The following SYNE1 variants were observed in gnomAD, a reference collection of about 807,000 sequenced individuals.
SYNE1 encodes the protein nesprin-1.
In SYNE1, 616 loss-of-function variants were observed where a neutral mutation model predicts 1,111.0. The observed-to-expected ratio is 0.55, with a 90% CI of 0.52 to 0.59. SYNE1 has a LOEUF of 0.59. Among genes scored for constraint, SYNE1 ranks in the 20% least tolerant of loss-of-function variants. SYNE1 has a pLI of 0.00. For synonymous variants in SYNE1, 3,855 were observed against 3,825.8 expected (o/e 1.01, Z -0.28); for missense variants, 10,006 against 10,417.0 (o/e 0.96, Z 1.72).
Position 152,238,470 on chromosome 6 carries a change from A to G in SYNE1, c.20067+1063T>C, listed in dbSNP as rs6928675. The stretch of plus-strand genomic sequence containing the variant: ...GTGTAACTATTATTACAGAGATTTC[A>G]AACGTTAAAGGTAGATGTCTCTCCA... On this transcript the variant is annotated intron_variant, in intron 108 of 145. Coordinates refer to ENST00000367255, the MANE Select transcript of SYNE1 (RefSeq NM_182961.4). Among the ~76,000 whole-genome samples the G allele has an allele frequency of 0.77, 116,742 of 152,186 alleles. 45,679 individuals are homozygous for G. The highest frequency in any genetic ancestry group is 0.9 in the African/African-American group (37,420 of 41,526).
intron 119 of SYNE1, among the ~76,000 whole-genome samples, chr6:152,220,507 T>G (rs1279181495): frequency 6.6e-6 from 1 of 152,220 alleles, no homozygotes; most frequent in Non-Finnish European, 1.5e-5. Context: ...ACAGAAGATT[T>G]TTTAAAGATA....
chr6:152,211,482 C>T lies in SYNE1; in HGVS notation c.22589+12G>A. ...GGAACCTTTCTTTGTAATAATTTAT[C>T]AAAGATCCTACCTGTCATCAACTTG... On this transcript the variant is annotated intron_variant, in intron 124 of 145. Transcript: ENST00000367255. The T allele has an allele frequency of 6.2e-7, 1 of 1,608,772 alleles. No homozygotes were observed. The highest frequency in any genetic ancestry group is 1.1e-5 in the South Asian group (1 of 90,982).
At chr6:152,493,010 T>C (rs929788041) in intron 11 of SYNE1, among the ~76,000 whole-genome samples, 10 of 152,122 alleles carry the variant, frequency 6.6e-5, no homozygotes, top group Admixed American at 2.0e-4. Flanking sequence ...CTCTGACTAT[T>C]CCTGGGCTAC....
chr6:152,499,893 C>T (rs573097191), intron 10 of SYNE1, among the ~76,000 whole-genome samples: 11 of 152,144 alleles, frequency 7.2e-5, no homozygotes, highest in African/African-American at 2.6e-4. Context: ...TTAAAGTAAC[C>T]TCTGAAAATA....
At chr6:152,593,454 T>G (rs976667489) in intron 3 of SYNE1, among the ~76,000 whole-genome samples, 1 of 151,892 alleles carries the variant, frequency 6.6e-6, no homozygotes, top group African/African-American at 2.4e-5. Context: ...TGGTGACGGG[T>G]GCCTGTAGTC....
chr6:152,368,140 C>A (rs1826065), intron 61 of SYNE1: 2 of 152,658 alleles, frequency 1.3e-5, no homozygotes, highest in African/African-American at 2.4e-5. Context: ...AATGAGCAGA[C>A]CCTCTGTAAA....
intron 8 of SYNE1, among the ~76,000 whole-genome samples, chr6:152,508,174 A>G (rs17842542): frequency 0.012 from 1,897 of 152,346 alleles, 41 homozygotes; most frequent in African/African-American, 0.043. Context: ...AGTTTTTAGA[A>G]AAAATTATCA....
chr6:152,264,290 A>T (rs1026928025), intron 100 of SYNE1, among the ~76,000 whole-genome samples: 3 of 150,628 alleles, frequency 2.0e-5, no homozygotes, highest in African/African-American at 7.3e-5. Flanking sequence ...ATTCTTCAGG[A>T]CCTTTGAAGT....
intron 126 of SYNE1, among the ~76,000 whole-genome samples, chr6:152,204,105 T>C (rs1005856200): frequency 6.6e-6 from 1 of 152,146 alleles, no homozygotes; most frequent in Admixed American, 6.5e-5. Context: ...GACCCACACC[T>C]ATAATCCTAG....
chr6:152,544,212 C>T (rs75465479), intron 3 of SYNE1, among the ~76,000 whole-genome samples: 4,580 of 152,164 alleles, frequency 0.03, 251 homozygotes, highest in African/African-American at 0.1. Flanking sequence ...AGCCACACTA[C>T]AATTTGGGTG....
chr6:152,574,033 A>T (rs1254849180), intron 3 of SYNE1, among the ~76,000 whole-genome samples: 1 of 152,008 alleles, frequency 6.6e-6, no homozygotes. Flanking sequence ...TGAGTTACAG[A>T]TTCTTAAAAA....
chr6:152,627,700 T>C (rs966493840), intron 3 of SYNE1, among the ~76,000 whole-genome samples: 10 of 152,060 alleles, frequency 6.6e-5, no homozygotes, highest in Non-Finnish European at 1.2e-4. Flanking sequence ...TTGTTTGTTG[T>C]TGGAGAAGAG....
At position 152,323,729 on chromosome 6, in the gene SYNE1, C is replaced by T. The variant is rs775702436; in HGVS notation, c.15666G>A (p.Lys5222=). The change falls in exon 82 of 146, where the codon AAG becomes AAA. Residue 5222 remains lysine (K), a synonymous_variant. Coordinates refer to ENST00000367255, the MANE Select transcript of SYNE1 (RefSeq NM_182961.4). ...GCAGCTGATCAATCATTTCAGTGGC[C>T]TTTTTAACCTGATGACAAATGTACA... The part of the protein sequence containing the change: ...EWTGFNNKVK[K]ATEMIDQLQD... The T allele has an allele frequency of 6.8e-6, 11 of 1,614,048 alleles. No individual in the cohort carries two copies. In the East Asian group the frequency reaches 1.1e-4, roughly 16 times the overall value.
Position 152,140,121 on chromosome 6 carries a change from C to G in SYNE1, c.25287G>C (p.Leu8429Phe), listed in dbSNP as rs1669609305. 1 of 1,614,206 alleles carries G rather than the reference C, an allele frequency of 6.2e-7. No individual in the cohort carries two copies. Among genetic ancestry groups the G allele is most frequent in the East Asian group, 2.2e-5 (1 of 44,876 alleles). The stretch of plus-strand genomic sequence containing the variant: ...TCTGCTTCATCCTCAACTCCTTGCT[C>G]AATGCCTGGGCCTGGAGAAGCTCCC... ...DRWELLQAQA[L>F]SKELRMKQNL... The change falls in exon 140 of 146, where the codon TTG (leucine) becomes TTC (phenylalanine). Residue 8429 changes from leucine (L) to phenylalanine (F), a missense_variant. Coordinates refer to ENST00000367255, the MANE Select transcript of SYNE1 (RefSeq NM_182961.4).
chr6:152,409,262 C>T, intron 43 of SYNE1, 36 bp from the exon 44 acceptor site: 3 of 1,598,074 alleles, frequency 1.9e-6, no homozygotes, highest in Non-Finnish European at 1.7e-6. Context: ...ATAAAATAGT[C>T]AGTGATAAGT....
intron 13 of SYNE1, among the ~76,000 whole-genome samples, chr6:152,484,306 C>A (rs1478617773): frequency 6.6e-6 from 1 of 151,986 alleles, no homozygotes; most frequent in African/African-American, 2.4e-5. Context: ...GAAATCTTGG[C>A]CTTTAAGCAT....
At chr6:152,146,666 A>G (rs1277805930) in intron 137 of SYNE1, 3 of 152,268 alleles carry the variant, frequency 2.0e-5, no homozygotes, top group African/African-American at 7.2e-5. Flanking sequence ...AGAACCAAAC[A>G]GAAATTCCCC....
At chr6:152,138,727 T>C (rs1236492686) in intron 140 of SYNE1, among the ~76,000 whole-genome samples, 1 of 152,048 alleles carries the variant, frequency 6.6e-6, no homozygotes, top group Admixed American at 6.6e-5. Context: ...ATCTTAATAC[T>C]GTCCAAACAG....
At chr6:152,615,198 G>A (rs1264878805) in intron 3 of SYNE1, among the ~76,000 whole-genome samples, 3 of 152,084 alleles carry the variant, frequency 2.0e-5, no homozygotes, top group African/African-American at 7.2e-5. Context: ...ACCATTAAGT[G>A]TCACCTAGGA....
Sources: allele counts gnomAD v4.1 joint callset (sites outside exome capture counted in the v4.1 genomes callset), GRCh38; gene constraint gnomAD v4.1.1; transcripts MANE v1.5; gene names NCBI Gene and HGNC (gene_info 2026-07-23, HGNC 2026-07-21).